The following ROBO1 variants were observed in gnomAD, a reference collection of about 807,000 sequenced individuals.
ROBO1 encodes roundabout guidance receptor 1.
Under a neutral mutation model 195.9 loss-of-function variants are expected in ROBO1, and 149 were observed. The observed-to-expected ratio is 0.76, with a 90% CI of 0.67 to 0.87. The LOEUF is 0.87. ROBO1 is among the 40% of genes least tolerant of loss of function. ROBO1 has a pLI of 0.00. For missense variants in ROBO1, 1,933 were observed against 2,068.3 expected (o/e 0.93, Z 1.27); for synonymous variants, 816 against 733.2 (o/e 1.11, Z -1.82).
chr3:79,076,642 T>TA (rs1264869939), intron 3 of ROBO1, among the ~76,000 whole-genome samples: 1 of 151,796 alleles, frequency 6.6e-6, no homozygotes, highest in African/African-American at 2.4e-5. Context: ...GACTTGCTGA[T>TA]AGTATGTGTT....
intron 2 of ROBO1, among the ~76,000 whole-genome samples, chr3:79,245,590 TA>T (rs758915518): frequency 2.7e-5 from 4 of 150,076 alleles, no homozygotes; most frequent in Admixed American, 6.7e-5. Flanking sequence ...AAAACGCAGT[TA>T]AAAAAAAATA....
At chr3:79,484,751 C>CTTTTTTTT (rs1559932529) in intron 2 of ROBO1, among the ~76,000 whole-genome samples, 1 of 20,670 alleles carries the variant, frequency 4.8e-5, no homozygotes, top group Non-Finnish European at 9.1e-5. Flanking sequence ...TATCATTGCA[C>CTTTTTTTT]TATCTTTTTT....
chr3:79,527,170 G>A (rs1941467328), intron 2 of ROBO1, among the ~76,000 whole-genome samples: 1 of 152,050 alleles, frequency 6.6e-6, no homozygotes, highest in Non-Finnish European at 1.5e-5. Flanking sequence ...TTTTCCAATA[G>A]AGGTAAAATG....
chr3:79,052,450 T>C (rs556807912), intron 3 of ROBO1, among the ~76,000 whole-genome samples: 8 of 152,116 alleles, frequency 5.3e-5, no homozygotes, highest in Non-Finnish European at 8.8e-5. Flanking sequence ...TCTGGCCATG[T>C]GATCTCACTC....
intron 1 of ROBO1, among the ~76,000 whole-genome samples, chr3:79,740,236 A>AATATATATATAT (rs34984469): frequency 7.0e-6 from 1 of 143,644 alleles, no homozygotes; most frequent in Non-Finnish European, 1.5e-5. Context: ...TTTATATATA[A>AATATATATATAT]ATATATATAT....
intron 2 of ROBO1, among the ~76,000 whole-genome samples, chr3:79,395,825 C>A (rs975147742): frequency 7.9e-5 from 12 of 151,884 alleles, no homozygotes; most frequent in Non-Finnish European, 1.5e-4. Context: ...ATATAACTAA[C>A]CCTCTCTCAA....
Position 78,866,623 on chromosome 3 carries a change from A to T in ROBO1, c.499+71978T>A, listed in dbSNP as rs558741735. Reference sequence around the variant, plus strand: ...ATGCATTGTTGTAGGGTAAATTTGCATAGTAGTCCAGGTGACTAAAATGAA... The same window carrying T: ...ATGCATTGTTGTAGGGTAAATTTGCTTAGTAGTCCAGGTGACTAAAATGAA... On this transcript the variant is annotated intron_variant, in intron 4 of 30. Coordinates refer to ENST00000464233, the MANE Select transcript of ROBO1 (RefSeq NM_002941.4). Among the ~76,000 whole-genome samples, 372 of 152,334 alleles carry T rather than the reference A, an allele frequency of 2.4e-3. 3 individuals carry two copies. The highest frequency in any genetic ancestry group is 0.011 in the South Asian group (51 of 4,826).
At chr3:79,045,507 C>T (rs2078574378) in intron 3 of ROBO1, among the ~76,000 whole-genome samples, 1 of 151,754 alleles carries the variant, frequency 6.6e-6, no homozygotes, top group South Asian at 2.1e-4. Context: ...CGATATAGAT[C>T]TATATAGAGA....
At chr3:79,015,494 G>C (rs928328507) in intron 3 of ROBO1, among the ~76,000 whole-genome samples, 2 of 149,706 alleles carry the variant, frequency 1.3e-5, no homozygotes, top group African/African-American at 4.9e-5. Context: ...CTTAAAAGCA[G>C]GTTTTAAGCA....
chr3:78,835,629 GC>G (rs869182581), intron 4 of ROBO1, among the ~76,000 whole-genome samples: 1 of 134,756 alleles, frequency 7.4e-6, no homozygotes, highest in South Asian at 2.7e-4. Context: ...ATAGTTTTAA[GC>G]AGACAATTTG....
intron 2 of ROBO1, among the ~76,000 whole-genome samples, chr3:79,263,975 C>T (rs1205193285): frequency 6.6e-6 from 1 of 152,018 alleles, no homozygotes; most frequent in Non-Finnish European, 1.5e-5. Flanking sequence ...CAAAATCTAC[C>T]ACAAATCCTT....
chr3:79,459,394 G>A (rs1042393463), intron 2 of ROBO1, among the ~76,000 whole-genome samples: 4 of 152,084 alleles, frequency 2.6e-5, no homozygotes, highest in Non-Finnish European at 5.9e-5. Context: ...ATGTTCATTT[G>A]TATTTGCATG....
chr3:78,688,775 GA>G lies in ROBO1; in HGVS notation c.1046-4del. On this transcript the variant is annotated splice_polypyrimidine_tract_variant and splice_region_variant and intron_variant, in intron 8 of 30. Transcript: ENST00000464233. ...TTTCACAACAAAATGTGGAGGTTCT[GA>G]AGGAGGTGAAACAAATTACACCGAA... 1 of 1,605,894 alleles carries G rather than the reference GA, an allele frequency of 6.2e-7. No individual in the cohort carries two copies. Among genetic ancestry groups the G allele is most frequent in the South Asian group, 1.1e-5 (1 of 89,122 alleles).
chr3:78,740,526 C>A (rs1370382768), intron 5 of ROBO1, among the ~76,000 whole-genome samples: 1 of 149,842 alleles, frequency 6.7e-6, no homozygotes, highest in Non-Finnish European at 1.5e-5. Context: ...GGCTGGAGTG[C>A]AATGGCGCGA....
intron 3 of ROBO1, among the ~76,000 whole-genome samples, chr3:79,046,878 A>G (rs897020686): frequency 4.6e-5 from 7 of 152,124 alleles, no homozygotes; most frequent in Non-Finnish European, 2.9e-5. Context: ...TAACCATCAC[A>G]TAGGTTCTTT....
At chr3:79,387,564 C>T (rs982324986) in intron 2 of ROBO1, among the ~76,000 whole-genome samples, 4 of 151,650 alleles carry the variant, frequency 2.6e-5, no homozygotes, top group African/African-American at 9.7e-5. Flanking sequence ...TTAAAAAGGG[C>T]TTATTTCATG....
At chr3:78,796,913 T>C (rs1423972318) in intron 4 of ROBO1, among the ~76,000 whole-genome samples, 1 of 152,196 alleles carries the variant, frequency 6.6e-6, no homozygotes, top group Non-Finnish European at 1.5e-5. Flanking sequence ...TTAGCATAGT[T>C]ATGATTTGTA....
intron 1 of ROBO1, among the ~76,000 whole-genome samples, chr3:79,619,111 C>T (rs1342613297): frequency 1.3e-5 from 1 of 78,902 alleles, no homozygotes; most frequent in African/African-American, 1.1e-4. Context: ...TGCAGAGACA[C>T]CTGCCCTCAT....
chr3:79,536,901 G>A (rs1941889840), intron 2 of ROBO1, among the ~76,000 whole-genome samples: 1 of 152,070 alleles, frequency 6.6e-6, no homozygotes, highest in Non-Finnish European at 1.5e-5. Flanking sequence ...GTGTAGTAAA[G>A]AAGACTATTT....
Sources: allele counts gnomAD v4.1 joint callset (sites outside exome capture counted in the v4.1 genomes callset), GRCh38; gene constraint gnomAD v4.1.1; transcripts MANE v1.5; gene names NCBI Gene and HGNC (gene_info 2026-07-23, HGNC 2026-07-21).